The following DDA1 variants were observed in gnomAD, a reference collection of about 807,000 sequenced individuals.
DDA1 encodes DET1- and DDB1-associated protein 1.
A neutral mutation model predicts 18.6 loss-of-function variants in DDA1; 3 were observed. The observed-to-expected ratio is 0.16, with a 90% CI of 0.07 to 0.42. DDA1 has a LOEUF of 0.42. Among genes scored for constraint, DDA1 ranks in the 10% least tolerant of loss-of-function variants. The pLI, the probability that DDA1 is intolerant of heterozygous loss-of-function variation, is 0.99. For missense variants in DDA1, 105 were observed against 138.2 expected, an observed-to-expected ratio of 0.76 and a Z score of 1.20; for synonymous variants, 52 against 54.0, an observed-to-expected ratio of 0.96 and a Z score of 0.17.
In DDA1 at chr19:17,314,298, A is replaced by G. The variant is rs776029382; in HGVS notation, c.85-40A>G. 6.2e-7 allele frequency: 1 copy of G among 1,613,288 alleles called. No individual in the cohort carries two copies. Among genetic ancestry groups the G allele is most frequent in the East Asian group, 2.2e-5 (1 of 44,872 alleles). On this transcript the variant is annotated intron_variant, in intron 2 of 4. Coordinates refer to ENST00000359866, the MANE Select transcript of DDA1 (RefSeq NM_024050.6). This position sits in a 1 kb window ranked among gnomAD's most constrained non-coding sequence, Gnocchi z 4.6. Reference sequence around the variant, plus strand: ...GGAGGGATGAGGAGACCCCAGGCCCATGCACTCTCCTAACCCACCCCTTCT... The same window carrying G: ...GGAGGGATGAGGAGACCCCAGGCCCGTGCACTCTCCTAACCCACCCCTTCT...
rs200685289 is a variant in DDA1, at chr19:17,314,125, T to C, written c.84+22T>C. 6.2e-7 allele frequency: 1 copy of C among 1,612,100 alleles called. No homozygotes were observed. The highest frequency in any genetic ancestry group is 2.2e-5 in the East Asian group (1 of 44,826). ...CTCGGTGAGTGCGTGTTCCTGGGAC[T>C]GGGAGGAATTGGTCACTTCCAGGGG... On this transcript the variant is annotated intron_variant, in intron 2 of 4. Transcript: ENST00000359866. This position sits in a 1 kb window ranked among gnomAD's most constrained non-coding sequence, Gnocchi z 4.6.
In DDA1 at chr19:17,314,547, G is replaced by T. The variant is rs2074193843; in HGVS notation, c.136+158G>T. On this transcript the variant is annotated intron_variant, in intron 3 of 4. Transcript: ENST00000359866. This position sits in a 1 kb window ranked among gnomAD's most constrained non-coding sequence, Gnocchi z 4.6. ...ACTGAATCCAGTTAAGTCAGGGAGG[G>T]CCTCCAGGGAGGTACAGGAGGGGGA... The T allele has an allele frequency of 1.0e-6, 1 of 993,702 alleles. No homozygotes were observed. The highest frequency in any genetic ancestry group is 1.5e-6 in the Non-Finnish European group (1 of 667,434). 61.6% of individuals were successfully genotyped at this position (993,702 alleles called of 1,614,324 possible).
chr19:17,313,964 C>T, intron 1 of DDA1, 59 bp from the exon 2 acceptor site: 1 of 1,423,682 alleles, frequency 7.0e-7, no homozygotes. Flanking sequence ...CCTGCAGGTG[C>T]TCCAGGGATG....
chr19:17,309,814 G>T (rs1219247391), intron 1 of DDA1, among the ~76,000 whole-genome samples, 157 bp downstream of exon 1: 1 of 151,970 alleles, frequency 6.6e-6, no homozygotes, highest in Non-Finnish European at 1.5e-5. Context: ...TCGACCCCCG[G>T]ACCCTACCGA....
intron 3 of DDA1, among the ~76,000 whole-genome samples, chr19:17,315,280 CACACACTATATATAT>C (rs1568353920): frequency 0.073 from 1,711 of 23,466 alleles, 473 homozygotes; most frequent in Non-Finnish European, 0.11. Context: ...CGTGTATATA[CACACACTATATATAT>C]ACACACGTGT....
At chr19:17,311,877 T>C (rs947997297) in intron 1 of DDA1, among the ~76,000 whole-genome samples, 2 of 152,290 alleles carry the variant, frequency 1.3e-5, no homozygotes, top group Admixed American at 1.3e-4. Flanking sequence ...CAGCCGTGGC[T>C]GGCATTTGTC....
intron 4 of DDA1, among the ~76,000 whole-genome samples, chr19:17,317,685 A>AC (rs1345399815): frequency 6.6e-6 from 1 of 151,120 alleles, no homozygotes; most frequent in African/African-American, 2.4e-5. Flanking sequence ...AAAAAAAAAA[A>AC]AAACAAATTA....
In DDA1 at chr19:17,320,584, A is replaced by AGGGCAGCGCACCTGTC. The variant is rs1271439255; in HGVS notation, c.*929_*944dup. On this transcript the variant is annotated 3_prime_UTR_variant, in exon 5 of 5. Transcript: ENST00000359866. Reference sequence around the variant, plus strand: ...CCCCCTGCCTGGGATACCGCCAAGCAGGGCAGCGCACCTGTCAGACACCGC... The same window carrying AGGGCAGCGCACCTGTC: ...CCCCCTGCCTGGGATACCGCCAAGCAGGGCAGCGCACCTGTCGGGCAGCGCACCTGTCAGACACCGC... 1 of 152,412 alleles carries AGGGCAGCGCACCTGTC rather than the reference A, an allele frequency of 6.6e-6. No individual in the cohort carries two copies. Among genetic ancestry groups the AGGGCAGCGCACCTGTC allele is most frequent in the African/African-American group, 2.4e-5 (1 of 41,466 alleles). 9.4% of individuals were successfully genotyped at this position (152,412 alleles called of 1,614,324 possible).
intron 1 of DDA1, among the ~76,000 whole-genome samples, 187 bp downstream of exon 1, chr19:17,309,844 C>T (rs768507709): frequency 6.6e-6 from 1 of 152,130 alleles, no homozygotes; most frequent in Non-Finnish European, 1.5e-5. Context: ...GCTGATCCCA[C>T]TGCCACTCCT....
At chr19:17,309,859 C>T (rs2074170397) in intron 1 of DDA1, among the ~76,000 whole-genome samples, 1 of 152,122 alleles carries the variant, frequency 6.6e-6, no homozygotes, top group African/African-American at 2.4e-5. Flanking sequence ...ACTCCTTCTC[C>T]GACCCCTGAC....
Position 17,315,976 on chromosome 19 carries a change from A to G in DDA1, c.179A>G (p.His60Arg), listed in dbSNP as rs1382154733. The G allele has an allele frequency of 6.2e-7, 1 of 1,614,206 alleles. No homozygotes were observed. The highest frequency in any genetic ancestry group is 8.5e-7 in the Non-Finnish European group (1 of 1,180,020). Residue 60 changes from histidine (H) to arginine (R), a missense_variant, in exon 4 of 5, where the codon CAT becomes CGT. Coordinates refer to ENST00000359866, the MANE Select transcript of DDA1 (RefSeq NM_024050.6). Reference sequence around the variant, plus strand: ...ACAAACATCCTCCTGCGCTACCTGCATCAGCAATGGGACAAAAAGGTGAGG... The same window carrying G: ...ACAAACATCCTCCTGCGCTACCTGCGTCAGCAATGGGACAAAAAGGTGAGG... The part of the protein sequence containing the change: ...EKTNILLRYL[H>R]QQWDKKNAAK...
Position 17,315,793 on chromosome 19 carries a change from G to C in DDA1, c.137-141G>C, listed in dbSNP as rs2074210157. On this transcript the variant is annotated intron_variant, in intron 3 of 4. Coordinates refer to ENST00000359866, the MANE Select transcript of DDA1 (RefSeq NM_024050.6). ...CTGGGAGTAGCTGCGAGTGTGCTCA[G>C]AAGCAAAAACATGGGACTTTTGGAG... 8 of 818,354 alleles carry C rather than the reference G, an allele frequency of 9.8e-6. No homozygotes were observed. The Admixed American group carries it at 1.4e-4, about 14-fold the overall frequency. The allele number at this position is 818,354 out of a possible 1,614,324, so 50.7% of individuals were successfully genotyped here. A position where few individuals can be genotyped will look rare whatever the true frequency, so the allele number is the denominator to read the frequency against.
rs970919821 is a variant in DDA1 at position 17,316,701 on chromosome 19, T to C, written c.198+706T>C. 3.9e-4 allele frequency among the ~76,000 whole-genome samples: 58 copies of C among 149,750 alleles called. 1 individual carries two copies. The highest frequency in any genetic ancestry group is 3.5e-3 in the Middle Eastern group (1 of 284). ...CATCCTGGCTAACATAGTAAAACCCTGTCTCTACTAAAAAATACAAAAAAA... is the reference window on the plus strand; with the variant it reads ...CATCCTGGCTAACATAGTAAAACCCCGTCTCTACTAAAAAATACAAAAAAA... On this transcript the variant is annotated intron_variant, in intron 4 of 4. Coordinates refer to ENST00000359866, the MANE Select transcript of DDA1 (RefSeq NM_024050.6).
In DDA1 at chr19:17,319,913, AAAC is replaced by A. The variant is rs1481142627; in HGVS notation, c.*262_*264del. On this transcript the variant is annotated 3_prime_UTR_variant, in exon 5 of 5. Coordinates refer to ENST00000359866, the MANE Select transcript of DDA1 (RefSeq NM_024050.6). Reference sequence around the variant, plus strand: ...GATGTTGGTAGATGCTTTTTAAAAAAAACAACATTGTCCCCCCGACCCCCGCCT... The same window carrying A: ...GATGTTGGTAGATGCTTTTTAAAAAAAACATTGTCCCCCCGACCCCCGCCT... The A allele has an allele frequency of 2.4e-6, 1 of 418,632 alleles. No homozygotes were observed. Among genetic ancestry groups the A allele is most frequent in the Non-Finnish European group, 4.3e-6 (1 of 232,882 alleles). The allele number at this position is 418,632 out of a possible 1,614,324, so 25.9% of individuals were successfully genotyped here. A position where few individuals can be genotyped will look rare whatever the true frequency, so the allele number is the denominator to read the frequency against.
At chr19:17,316,653 TC>T (rs977530699) in intron 4 of DDA1, among the ~76,000 whole-genome samples, 4 of 151,450 alleles carry the variant, frequency 2.6e-5, no homozygotes, top group African/African-American at 9.7e-5. Flanking sequence ...GGTGGGCAGA[TC>T]ATGAGGTCAG....
At chr19:17,319,165 A>T (rs2074227789) in intron 4 of DDA1, among the ~76,000 whole-genome samples, 1 of 152,040 alleles carries the variant, frequency 6.6e-6, no homozygotes, top group African/African-American at 2.4e-5. Context: ...GCCAGGAAAC[A>T]CCTGTCTATC....
At chr19:17,312,191 A>G (rs1481320698) in intron 1 of DDA1, among the ~76,000 whole-genome samples, 1 of 152,130 alleles carries the variant, frequency 6.6e-6, no homozygotes, top group Non-Finnish European at 1.5e-5. Flanking sequence ...TGAGAGCAGA[A>G]TGCCCGGAGT....
In DDA1 at chr19:17,315,359, T is replaced by C. The variant is rs34930621; in HGVS notation, c.137-575T>C. ...CGTATATATATACACGCTATATATATACGCTATATATATACACACGTATAT... is the reference window on the plus strand; with the variant it reads ...CGTATATATATACACGCTATATATACACGCTATATATATACACACGTATAT... On this transcript the variant is annotated intron_variant, in intron 3 of 4. Coordinates refer to ENST00000359866, the MANE Select transcript of DDA1 (RefSeq NM_024050.6). Among the ~76,000 whole-genome samples the C allele has an allele frequency of 1.0e-2, 605 of 60,680 alleles. 8 individuals carry two copies. The highest frequency in any genetic ancestry group is 0.015 in the Non-Finnish European group (377 of 25,670). The allele number at this position is 60,680 out of a possible 152,430, so 39.8% of individuals were successfully genotyped here. A position where few individuals can be genotyped will look rare whatever the true frequency, so the allele number is the denominator to read the frequency against.
At chr19:17,316,440 C>T (rs202175050) in intron 4 of DDA1, among the ~76,000 whole-genome samples, 4 of 151,450 alleles carry the variant, frequency 2.6e-5, no homozygotes, top group South Asian at 2.1e-4. Flanking sequence ...ATTAGCTGGG[C>T]GTGGTGGCAC....
Sources: allele counts gnomAD v4.1 joint callset (sites outside exome capture counted in the v4.1 genomes callset), GRCh38; gene constraint gnomAD v4.1.1; non-coding constraint Gnocchi (gnomAD v3.1); transcripts MANE v1.5; gene names NCBI Gene and HGNC (gene_info 2026-07-23, HGNC 2026-07-21).